The following LRP1B variants were observed in gnomAD, a reference collection of about 807,000 sequenced individuals.
LRP1B encodes low-density lipoprotein receptor-related protein 1B.
Under a neutral mutation model 556.6 loss-of-function variants are expected in LRP1B, and 217 were observed. The observed-to-expected ratio is 0.39, with a 90% confidence interval of 0.35 to 0.44. The LOEUF is 0.44. Ranked by LOEUF, LRP1B falls within the 20% of genes least tolerant of loss-of-function variation. The probability of loss-of-function intolerance (pLI) is 1.00; values close to 1 mark genes in which losing one functional copy is unlikely to be tolerated. For missense variants in LRP1B, 5,053 were observed against 5,620.8 expected (o/e 0.90, Z 3.23); for synonymous variants, 2,047 against 1,865.8 (o/e 1.10, Z -2.50).
chr2:141,409,133 A>C (rs980948800), intron 3 of LRP1B, among the ~76,000 whole-genome samples: 10 of 152,338 alleles, frequency 6.6e-5, no homozygotes, highest in Admixed American at 3.9e-4. Context: ...AATATCTATC[A>C]TTTAAGTGAT....
chr2:141,116,421 G>A (rs1055264602), intron 7 of LRP1B, among the ~76,000 whole-genome samples: 1 of 152,108 alleles, frequency 6.6e-6, no homozygotes, highest in Non-Finnish European at 1.5e-5. Flanking sequence ...ATCCAATATG[G>A]AAGTCAAGTA....
At chr2:140,587,212 C>T (rs891593351) in intron 43 of LRP1B, among the ~76,000 whole-genome samples, 1 of 152,050 alleles carries the variant, frequency 6.6e-6, no homozygotes, top group Admixed American at 6.6e-5. Flanking sequence ...CTCCAGTGAC[C>T]TGTGAGACTA....
At chr2:141,838,721 T>A (rs1370685289) in intron 1 of LRP1B, among the ~76,000 whole-genome samples, 1 of 152,164 alleles carries the variant, frequency 6.6e-6, no homozygotes, top group Non-Finnish European at 1.5e-5. Flanking sequence ...GTAGAGAAAG[T>A]ATATTTCTAG....
chr2:140,590,758 C>T lies in LRP1B; in HGVS notation c.7194+7873G>A, dbSNP rs181546082. On this transcript the variant is annotated intron_variant, in intron 43 of 90. Transcript: ENST00000389484. ...GAAAGTAAATTTCTGTTTTTTAAGCCACCCAGTCTAAAGTATTGTGTTATG... is the reference window on the plus strand; with the variant it reads ...GAAAGTAAATTTCTGTTTTTTAAGCTACCCAGTCTAAAGTATTGTGTTATG... Among the ~76,000 whole-genome samples the T allele has an allele frequency of 4.6e-5, 7 of 152,194 alleles. No individual in the cohort carries two copies. In the East Asian group the frequency reaches 1.2e-3, roughly 25 times the overall value.
At chr2:142,050,666 A>G (rs2105230888) in intron 1 of LRP1B, among the ~76,000 whole-genome samples, 1 of 152,300 alleles carries the variant, frequency 6.6e-6, no homozygotes, top group Admixed American at 6.5e-5. Context: ...AATTTTTATC[A>G]ACTGGCAGAA....
At chr2:140,564,494 T>C (rs1214586396) in intron 43 of LRP1B, among the ~76,000 whole-genome samples, 3 of 152,114 alleles carry the variant, frequency 2.0e-5, no homozygotes, top group African/African-American at 2.4e-5. Flanking sequence ...ATACTGCTTA[T>C]GTAACATTCA....
At chr2:141,474,042 TCC>T (rs1559091558) in intron 3 of LRP1B, among the ~76,000 whole-genome samples, 52 of 110,760 alleles carry the variant, frequency 4.7e-4, no homozygotes, top group African/African-American at 2.0e-3. Context: ...CTTCCTTCCT[TCC>T]TTTCCTTCCT....
intron 82 of LRP1B, 109 bp from the exon 83 acceptor site, chr2:140,315,208 ATAAT>A: frequency 1.4e-6 from 1 of 701,114 alleles, no homozygotes; most frequent in East Asian, 2.9e-5. Context: ...TTTCCATAAA[ATAAT>A]TAACCCCAAG....
intron 37 of LRP1B, among the ~76,000 whole-genome samples, chr2:140,715,016 A>C (rs924157342): frequency 6.6e-6 from 1 of 152,184 alleles, no homozygotes; most frequent in Non-Finnish European, 1.5e-5. Flanking sequence ...ATATAAGAAG[A>C]GCATTGCAGG....
At chr2:140,553,159 C>T (rs1277255252) in intron 43 of LRP1B, among the ~76,000 whole-genome samples, 2 of 151,918 alleles carry the variant, frequency 1.3e-5, no homozygotes, top group Non-Finnish European at 2.9e-5. Context: ...ACAGCTTGGT[C>T]CCTGCCATGG....
chr2:140,492,026 G>T (rs960329134), intron 57 of LRP1B, among the ~76,000 whole-genome samples: 1 of 152,104 alleles, frequency 6.6e-6, no homozygotes, highest in South Asian at 2.1e-4. Flanking sequence ...TGTGAGTGCT[G>T]CCCTAATAAA....
chr2:141,969,791 C>T lies in LRP1B; in HGVS notation c.83-159390G>A, dbSNP rs146314681. On this transcript the variant is annotated intron_variant, in intron 1 of 90. Coordinates refer to ENST00000389484, the MANE Select transcript of LRP1B (RefSeq NM_018557.3). The stretch of plus-strand genomic sequence containing the variant: ...TAGAGGGATTTACTGTATTAAGATC[C>T]CAGTAGTGGGATTTCTGTATCATAT... Among the ~76,000 whole-genome samples the T allele has an allele frequency of 2.0e-5, 3 of 151,550 alleles. No homozygotes were observed. In the East Asian group the frequency reaches 5.8e-4, roughly 29 times the overall value.
At chr2:140,388,040 G>T (rs1223952717) in intron 66 of LRP1B, among the ~76,000 whole-genome samples, 2 of 151,208 alleles carry the variant, frequency 1.3e-5, no homozygotes, top group Admixed American at 1.3e-4. Flanking sequence ...GAGTTCAAGT[G>T]ATTCTCCTGC....
chr2:140,854,421 T>G lies in LRP1B; in HGVS notation c.4580-2638A>C, dbSNP rs1442937576. ...CTGTAATGTATAATTCACAATATTT[T>G]GTGCTTCATAGATTGAAAAATCCAC... On this transcript the variant is annotated intron_variant, in intron 27 of 90. Coordinates refer to ENST00000389484, the MANE Select transcript of LRP1B (RefSeq NM_018557.3). Among the ~76,000 whole-genome samples the G allele has an allele frequency of 2.0e-5, 3 of 152,322 alleles. No individual in the cohort carries two copies. The East Asian group carries it at 5.8e-4, about 29-fold the overall frequency.
intron 72 of LRP1B, 94 bp from the exon 73 acceptor site, chr2:140,359,040 T>A (rs112070864): frequency 8.0e-7 from 1 of 1,246,396 alleles, no homozygotes; most frequent in Non-Finnish European, 1.1e-6. Context: ...TTCAAATCCA[T>A]AAGCTAGCTT....
intron 87 of LRP1B, among the ~76,000 whole-genome samples, chr2:140,241,182 T>C (rs1680932127): frequency 6.6e-6 from 1 of 150,890 alleles, no homozygotes; most frequent in Admixed American, 6.6e-5. Flanking sequence ...AAGTGAACTT[T>C]ATATGCATCT....
chr2:140,986,539 A>G (rs1165332397), intron 17 of LRP1B, among the ~76,000 whole-genome samples: 2 of 152,144 alleles, frequency 1.3e-5, no homozygotes, highest in Non-Finnish European at 1.5e-5. Context: ...TACTTTTTCT[A>G]ATTGAATGGC....
chr2:140,452,006 G>A (rs545409819), intron 62 of LRP1B, among the ~76,000 whole-genome samples: 1 of 152,166 alleles, frequency 6.6e-6, no homozygotes, highest in African/African-American at 2.4e-5. Context: ...TAACTATCAA[G>A]TGGCAGATTA....
At chr2:140,777,055 AG>A (rs1689524880) in intron 32 of LRP1B, among the ~76,000 whole-genome samples, 1 of 152,204 alleles carries the variant, frequency 6.6e-6, no homozygotes, top group Non-Finnish European at 1.5e-5. Context: ...ACTCCATGAG[AG>A]GCTTTAAAAC....
Sources: allele counts gnomAD v4.1 joint callset (sites outside exome capture counted in the v4.1 genomes callset), GRCh38; gene constraint gnomAD v4.1.1; transcripts MANE v1.5; gene names NCBI Gene and HGNC (gene_info 2026-07-23, HGNC 2026-07-21).